USP24: variants seen among roughly 807,000 people sequenced by gnomAD.
USP24 encodes the protein ubiquitin carboxyl-terminal hydrolase 24.
Under a neutral mutation model 361.6 loss-of-function variants are expected in USP24, and 97 were observed. The ratio of observed to expected loss-of-function variants is 0.27; its 90% CI spans 0.23 to 0.32. USP24 has a LOEUF of 0.32. Ranked by LOEUF, USP24 falls within the 10% of genes least tolerant of loss-of-function variation. The probability of loss-of-function intolerance (pLI) is 1.00; values close to 1 mark genes in which losing one functional copy is unlikely to be tolerated. For missense variants in USP24, 2,353 were observed against 3,165.6 expected, an observed-to-expected ratio of 0.74 and a Z score of 6.16; for synonymous variants, 1,098 against 1,124.6, an observed-to-expected ratio of 0.98 and a Z score of 0.47.
At chr1:55,101,840 ACCTATGTTCATG>A (rs746246829) in intron 42 of USP24, 137 bp from the exon 43 acceptor site, 29 of 1,139,648 alleles carry the variant, frequency 2.5e-5, no homozygotes, top group Non-Finnish European at 3.4e-5. Flanking sequence ...TGCTGGCAAA[ACCTATGTTCATG>A]AAGTACCTCT....
At chr1:55,190,860 G>C (rs1323348433) in intron 1 of USP24, among the ~76,000 whole-genome samples, 1 of 152,174 alleles carries the variant, frequency 6.6e-6, no homozygotes, top group Non-Finnish European at 1.5e-5. Flanking sequence ...TCGTGCTCCA[G>C]AGAGAAGATT....
intron 16 of USP24, among the ~76,000 whole-genome samples, chr1:55,153,483 C>T (rs1010499278): frequency 3.9e-5 from 6 of 152,184 alleles, no homozygotes; most frequent in Non-Finnish European, 8.8e-5. Flanking sequence ...CTTTCTCTCT[C>T]TCATACTATG....
intron 1 of USP24, among the ~76,000 whole-genome samples, chr1:55,213,733 T>G (rs1332992430): frequency 6.6e-6 from 1 of 152,152 alleles, no homozygotes; most frequent in Non-Finnish European, 1.5e-5. Flanking sequence ...CACTGCTGCT[T>G]CTGGTCGATC....
intron 1 of USP24, among the ~76,000 whole-genome samples, chr1:55,208,841 C>T (rs1034043841): frequency 6.6e-6 from 1 of 151,882 alleles, no homozygotes; most frequent in African/African-American, 2.4e-5. Context: ...GAGGCTGAGG[C>T]AGAAGAATCG....
intron 3 of USP24, among the ~76,000 whole-genome samples, chr1:55,175,514 T>C (rs1649891258): frequency 6.6e-6 from 1 of 152,142 alleles, no homozygotes; most frequent in African/African-American, 2.4e-5. Flanking sequence ...GCGTGAGCAA[T>C]TGCACCCGGC....
chr1:55,098,654 A>G (rs1176162350), intron 45 of USP24, 96 bp from the exon 46 acceptor site: 11 of 863,536 alleles, frequency 1.3e-5, no homozygotes, highest in Non-Finnish European at 1.7e-5. Flanking sequence ...GACCAAAACA[A>G]AACGCGTCAT....
In USP24 at chr1:55,132,531, A is replaced by G. The variant is rs770573827; in HGVS notation, c.3537+14T>C. On this transcript the variant is annotated intron_variant, in intron 31 of 67. Transcript: ENST00000294383. ...ACCTGTCAAAATGAAATGGAAAGAA[A>G]TTAGGTTTCTTACTTCTAAGTTGTA... 21 of 1,601,026 alleles carry G rather than the reference A, an allele frequency of 1.3e-5. No individual in the cohort carries two copies. The highest frequency in any genetic ancestry group is 1.8e-5 in the Non-Finnish European group (21 of 1,174,022).
intron 49 of USP24, 86 bp downstream of exon 49, chr1:55,096,866 C>G: frequency 6.7e-7 from 1 of 1,486,538 alleles, no homozygotes. Flanking sequence ...GCCAAAGTGT[C>G]CCTGCACCAC....
intron 15 of USP24, 51 bp from the exon 16 acceptor site, chr1:55,153,968 T>C: frequency 6.5e-7 from 1 of 1,542,042 alleles, no homozygotes; most frequent in Non-Finnish European, 8.8e-7. Flanking sequence ...AAGCAATACC[T>C]ATAATTTCCC....
rs373882868 is a variant in USP24, at chr1:55,134,146, C to T, written c.3305G>A (p.Arg1102Gln). The change falls in exon 30 of 68, where the codon CGG becomes CAG. Residue 1102 changes from arginine (R) to glutamine (Q), a missense_variant. Transcript: ENST00000294383. ...LEEPRITLRVRKLLLLIPTDP... is the reference protein window; with the variant it reads ...LEEPRITLRVQKLLLLIPTDP... ...AGTGGGTATCAAGAGCAGAAGCTTC[C>T]GTACTCGTAGAGTTATCCTGAAGTT... 9.3e-6 allele frequency: 15 copies of T among 1,613,610 alleles called. No individual in the cohort carries two copies. The highest frequency in any genetic ancestry group is 8.9e-5 in the East Asian group (4 of 44,870).
rs1329747067 is a variant in USP24 at position 55,097,920 on chromosome 1, TTTAAAAAGG to T, written c.5595+14_5595+22del. 1 of 1,575,060 alleles carries T rather than the reference TTTAAAAAGG, an allele frequency of 6.3e-7. No homozygotes were observed. The highest frequency in any genetic ancestry group is 2.2e-5 in the East Asian group (1 of 44,608). The stretch of plus-strand genomic sequence containing the variant: ...TGCGAATAACAAATTAATCTTGTTT[TTTAAAAAGG>T]GCAAACATAATACCTTTTCTTTACA... On this transcript the variant is annotated intron_variant, in intron 47 of 67. Coordinates refer to ENST00000294383, the MANE Select transcript of USP24 (RefSeq NM_015306.3).
intron 59 of USP24, among the ~76,000 whole-genome samples, chr1:55,080,010 T>C (rs1198228973): frequency 6.6e-6 from 1 of 152,134 alleles, no homozygotes; most frequent in African/African-American, 2.4e-5. Flanking sequence ...TCCCACTCCA[T>C]AATCTTTCAA....
chr1:55,156,133 A>G (rs918808780), intron 12 of USP24, among the ~76,000 whole-genome samples: 3 of 152,224 alleles, frequency 2.0e-5, no homozygotes, highest in Non-Finnish European at 4.4e-5. Context: ...TAGATGAAGA[A>G]TAATACCATT....
In USP24 at chr1:55,083,462, ATTTT is replaced by A. The variant is rs1645191438; in HGVS notation, c.6883-102_6883-99del. 2.7e-6 allele frequency: 3 copies of A among 1,130,402 alleles called. No individual in the cohort carries two copies. The African/African-American group carries it at 4.7e-5, about 18-fold the overall frequency. The allele number at this position is 1,130,402 out of a possible 1,614,324, so 70.0% of individuals were successfully genotyped here. ...ATGGAAAGTTTTAAGGAGTCAATAT[ATTTT>A]TTAAGAATATTATTTCCATATAGAA... On this transcript the variant is annotated intron_variant, in intron 57 of 67. Coordinates refer to ENST00000294383, the MANE Select transcript of USP24 (RefSeq NM_015306.3).
At chr1:55,176,555 C>A in intron 2 of USP24, 112 bp from the exon 3 acceptor site, 1 of 923,334 alleles carries the variant, frequency 1.1e-6, no homozygotes, top group South Asian at 1.7e-5. Flanking sequence ...TCGTAAAAAT[C>A]ATATACATCA....
chr1:55,191,611 CT>C (rs1644290511), intron 1 of USP24, among the ~76,000 whole-genome samples: 1 of 152,008 alleles, frequency 6.6e-6, no homozygotes. Context: ...CTGTCTCAGC[CT>C]CCTGAGTAGC....
At chr1:55,199,191 A>C (rs1302401988) in intron 1 of USP24, among the ~76,000 whole-genome samples, 2 of 152,182 alleles carry the variant, frequency 1.3e-5, no homozygotes, top group Non-Finnish European at 2.9e-5. Flanking sequence ...TGGGAGGCTC[A>C]GGCACGAGAA....
At chr1:55,121,199 A>G (rs535098716) in intron 37 of USP24, among the ~76,000 whole-genome samples, 4 of 152,322 alleles carry the variant, frequency 2.6e-5, no homozygotes, top group African/African-American at 4.8e-5. Context: ...TGTTATAAAC[A>G]AAAATAACTT....
chr1:55,088,514 A>G (rs1462709862), intron 55 of USP24, among the ~76,000 whole-genome samples: 1 of 152,158 alleles, frequency 6.6e-6, no homozygotes, highest in Non-Finnish European at 1.5e-5. Flanking sequence ...GAAAGGAGAG[A>G]GGATACTTCC....
Sources: allele counts gnomAD v4.1 joint callset (sites outside exome capture counted in the v4.1 genomes callset), GRCh38; gene constraint gnomAD v4.1.1; transcripts MANE v1.5; gene names NCBI Gene and HGNC (gene_info 2026-07-23, HGNC 2026-07-21).